Variants in AGMO observed in about 807,000 individuals in gnomAD.
The protein encoded by AGMO is alkylglycerol monooxygenase, also known as glyceryl-ether monooxygenase.
AGMO carries 75 observed loss-of-function variants against 60.2 expected under a neutral mutation model. That is an observed-to-expected ratio of 1.25 (90% CI 1.03 to 1.51). The LOEUF (loss-of-function observed/expected upper bound fraction) is 1.51. AGMO is among the 40% of genes most tolerant of loss of function. AGMO has a pLI of 0.00. For missense variants in AGMO, 763 were observed against 525.5 expected (o/e 1.45, Z -4.42); for synonymous variants, 261 against 177.1 (o/e 1.47, Z -3.76).
At chr7:15,258,885 C>G (rs183766069) in intron 12 of AGMO, among the ~76,000 whole-genome samples, 1 of 152,206 alleles carries the variant, frequency 6.6e-6, no homozygotes, top group African/African-American at 2.4e-5. Context: ...GAGAACACCA[C>G]AACAAGGGAG....
At chr7:15,558,297 C>T (rs1446067923) in intron 2 of AGMO, among the ~76,000 whole-genome samples, 1 of 151,820 alleles carries the variant, frequency 6.6e-6, no homozygotes, top group Non-Finnish European at 1.5e-5. Context: ...AAATGCTTAA[C>T]AAATGCATTC....
At chr7:15,177,482 A>G in the AGMO span, among the ~76,000 whole-genome samples, 3 of 151,918 alleles carry the variant, frequency 2.0e-5, no homozygotes, top group Non-Finnish European at 4.4e-5. Context: ...TCAATCTCTA[A>G]TTTTTTAAAA....
intron 3 of AGMO, among the ~76,000 whole-genome samples, chr7:15,530,748 A>ATATAGATATTCTATATATACATTTC (rs1298704032): frequency 1.4e-5 from 2 of 141,130 alleles, no homozygotes; most frequent in African/African-American, 5.2e-5. Flanking sequence ...ATACATTTCT[A>ATATAGATATTCTATATATACATTTC]TATAGATATT....
chr7:15,267,296 C>T (rs1439354802), intron 12 of AGMO, among the ~76,000 whole-genome samples: 1 of 151,894 alleles, frequency 6.6e-6, no homozygotes, highest in African/African-American at 2.4e-5. Flanking sequence ...ATACTGACTA[C>T]ACTGAAATGT....
chr7:15,490,752 T>TA (rs1783048027), intron 3 of AGMO, among the ~76,000 whole-genome samples: 1 of 151,874 alleles, frequency 6.6e-6, no homozygotes, highest in South Asian at 2.1e-4. Context: ...TATAAGAAAA[T>TA]AAAAAATATC....
intron 6 of AGMO, among the ~76,000 whole-genome samples, chr7:15,393,306 T>C (rs1052878907): frequency 2.0e-5 from 3 of 152,200 alleles, no homozygotes; most frequent in African/African-American, 7.2e-5. Context: ...ACTGGAAACT[T>C]ATAGAAACAG....
At chr7:15,345,909 G>A (rs1352464804) in intron 12 of AGMO, among the ~76,000 whole-genome samples, 1 of 152,022 alleles carries the variant, frequency 6.6e-6, no homozygotes, top group Non-Finnish European at 1.5e-5. Flanking sequence ...GTGAGTAATG[G>A]CTGGATCTAT....
chr7:15,368,122 A>G (rs1783055509), intron 10 of AGMO, among the ~76,000 whole-genome samples: 1 of 152,052 alleles, frequency 6.6e-6, no homozygotes, highest in Non-Finnish European at 1.5e-5. Flanking sequence ...TCTGAATACA[A>G]AAGGATTAGA....
chr7:15,476,615 C>T (rs1268400254), intron 3 of AGMO, among the ~76,000 whole-genome samples: 1 of 151,820 alleles, frequency 6.6e-6, no homozygotes, highest in African/African-American at 2.4e-5. Context: ...GTGAATAAGT[C>T]TTTCTGTTTA....
At chr7:15,491,780 A>C (rs1364694626) in intron 3 of AGMO, among the ~76,000 whole-genome samples, 2 of 152,182 alleles carry the variant, frequency 1.3e-5, no homozygotes, top group African/African-American at 4.8e-5. Context: ...ATGAAAGAAA[A>C]ATTATCTCAG....
chr7:15,415,075 G>A (rs767675359), intron 5 of AGMO, among the ~76,000 whole-genome samples: 1 of 152,078 alleles, frequency 6.6e-6, no homozygotes. Context: ...GTTTGTGATA[G>A]TCGAAGATTT....
chr7:15,383,148 C>T (rs1783763477), intron 10 of AGMO, among the ~76,000 whole-genome samples: 1 of 152,056 alleles, frequency 6.6e-6, no homozygotes, highest in Non-Finnish European at 1.5e-5. Flanking sequence ...GCCACAACAT[C>T]AGGCTCAATT....
chr7:15,475,971 A>T (rs1282530278), intron 3 of AGMO, among the ~76,000 whole-genome samples: 1 of 152,114 alleles, frequency 6.6e-6, no homozygotes, highest in East Asian at 1.9e-4. Context: ...ATGACGTAAT[A>T]GAGCATCAGC....
At chr7:15,534,449 T>C (rs368157396) in intron 3 of AGMO, among the ~76,000 whole-genome samples, 30 of 152,132 alleles carry the variant, frequency 2.0e-4, no homozygotes, top group African/African-American at 6.7e-4. Flanking sequence ...ACTTTCTTTA[T>C]AAAAGCAAAA....
chr7:15,501,831 C>T (rs1456639952), intron 3 of AGMO, among the ~76,000 whole-genome samples: 1 of 151,770 alleles, frequency 6.6e-6, no homozygotes, highest in Non-Finnish European at 1.5e-5. Flanking sequence ...AATAAATAAT[C>T]CCAGGGAAAT....
chr7:15,170,295 C>A, the AGMO span, among the ~76,000 whole-genome samples: 1 of 152,088 alleles, frequency 6.6e-6, no homozygotes, highest in African/African-American at 2.4e-5. Context: ...TTGTTTATTG[C>A]GTGCTATTTC....
At chr7:15,440,205 T>G (rs1781512353) in intron 3 of AGMO, among the ~76,000 whole-genome samples, 1 of 152,138 alleles carries the variant, frequency 6.6e-6, no homozygotes, top group South Asian at 2.1e-4. Flanking sequence ...CATGATGAGT[T>G]ATATGTCTTT....
chr7:15,398,422 A>G (rs1784469086), intron 5 of AGMO, among the ~76,000 whole-genome samples: 1 of 152,194 alleles, frequency 6.6e-6, no homozygotes, highest in African/African-American at 2.4e-5. Flanking sequence ...ATTTCCTGGT[A>G]GTGCCTATGA....
chr7:15,469,312 A>G (rs1782376654), intron 3 of AGMO, among the ~76,000 whole-genome samples: 1 of 152,138 alleles, frequency 6.6e-6, no homozygotes, highest in Non-Finnish European at 1.5e-5. Flanking sequence ...TTAATGTATT[A>G]CAGCTCAGGA....
Sources: allele counts gnomAD v4.1 joint callset (sites outside exome capture counted in the v4.1 genomes callset), GRCh38; gene constraint gnomAD v4.1.1; transcripts MANE v1.5; gene names NCBI Gene and HGNC (gene_info 2026-07-23, HGNC 2026-07-21).